The following GALNT13 variants were observed in gnomAD, a reference collection of about 807,000 sequenced individuals.
The protein encoded by GALNT13 is UDP-GalNAc:polypeptide N-acetylgalactosaminyltransferase 13.
GALNT13 carries 28 observed loss-of-function variants against 64.2 expected under a neutral mutation model. The ratio of observed to expected loss-of-function variants is 0.44; its 90% CI spans 0.32 to 0.60. GALNT13 has a LOEUF of 0.60. GALNT13 is among the 20% of genes least tolerant of loss of function. The probability of loss-of-function intolerance (pLI) is 0.05; values close to 1 mark genes in which losing one functional copy is unlikely to be tolerated. For missense variants in GALNT13, 577 were observed against 669.8 expected (o/e 0.86, Z 1.53); for synonymous variants, 214 against 224.6 (o/e 0.95, Z 0.42).
the GALNT13 span, among the ~76,000 whole-genome samples, chr2:153,160,967 A>G: frequency 6.6e-6 from 1 of 152,178 alleles, no homozygotes; most frequent in Admixed American, 6.5e-5. Context: ...TAAGCCAGTG[A>G]CGATGTCTAT....
At chr2:153,452,215 G>A in the GALNT13 span, among the ~76,000 whole-genome samples, 1 of 152,156 alleles carries the variant, frequency 6.6e-6, no homozygotes, top group Non-Finnish European at 1.5e-5. Context: ...ATAAGAATAT[G>A]CTTATTTTCC....
chr2:153,417,322 C>A, the GALNT13 span, among the ~76,000 whole-genome samples: 1 of 151,960 alleles, frequency 6.6e-6, no homozygotes, highest in Non-Finnish European at 1.5e-5. Context: ...CCTTGCAGGC[C>A]CAGTCAATTT....
chr2:153,178,732 CTTTTTTT>C, the GALNT13 span, among the ~76,000 whole-genome samples: 10 of 98,400 alleles, frequency 1.0e-4, no homozygotes, highest in Admixed American at 8.8e-4. Context: ...TTCTCTTCTT[CTTTTTTT>C]TTTTTTTTTT....
At chr2:153,731,222 T>A in the GALNT13 span, among the ~76,000 whole-genome samples, 1 of 151,878 alleles carries the variant, frequency 6.6e-6, no homozygotes. Flanking sequence ...TGGATGAAAC[T>A]GGAGGCCATA....
At chr2:153,082,660 C>CAT in the GALNT13 span, among the ~76,000 whole-genome samples, 3,790 of 89,326 alleles carry the variant, frequency 0.042, 328 homozygotes, top group Middle Eastern at 0.06. Flanking sequence ...CACACACACA[C>CAT]ACACATATAT....
the GALNT13 span, among the ~76,000 whole-genome samples, chr2:153,348,491 T>C: frequency 6.6e-6 from 1 of 152,352 alleles, no homozygotes; most frequent in East Asian, 1.9e-4. Flanking sequence ...CCATTTTCTC[T>C]TTAGATAATG....
the GALNT13 span, among the ~76,000 whole-genome samples, chr2:153,229,469 A>C: frequency 6.6e-6 from 1 of 152,180 alleles, no homozygotes; most frequent in Admixed American, 6.5e-5. Flanking sequence ...AGTGTAAGTA[A>C]ATTACAGACC....
chr2:153,448,982 TTC>T, the GALNT13 span, among the ~76,000 whole-genome samples: 1 of 152,120 alleles, frequency 6.6e-6, no homozygotes, highest in African/African-American at 2.4e-5. Flanking sequence ...TGTGTGCACT[TTC>T]TGTCTTTCTG....
chr2:154,023,832 C>T (rs1400832206), intron 3 of GALNT13, among the ~76,000 whole-genome samples: 1 of 152,174 alleles, frequency 6.6e-6, no homozygotes, highest in African/African-American at 2.4e-5. Context: ...GTGGCTGGTA[C>T]CAGTTGTTCC....
the GALNT13 span, among the ~76,000 whole-genome samples, chr2:153,164,980 C>G: frequency 6.6e-6 from 1 of 152,170 alleles, no homozygotes; most frequent in Non-Finnish European, 1.5e-5. Flanking sequence ...ATCTGTGACA[C>G]TATATTGGAT....
At chr2:153,437,084 C>T in the GALNT13 span, among the ~76,000 whole-genome samples, 1 of 152,022 alleles carries the variant, frequency 6.6e-6, no homozygotes, top group Non-Finnish European at 1.5e-5. Flanking sequence ...TCGTTATGTA[C>T]CCAGTAGTCA....
At chr2:154,071,436 G>A (rs148046734) in intron 3 of GALNT13, among the ~76,000 whole-genome samples, 2,196 of 152,188 alleles carry the variant, frequency 0.014, 24 homozygotes, top group Non-Finnish European at 0.022. Flanking sequence ...TTGTAAATGA[G>A]TGCTTTTATT....
chr2:154,326,546 A>G (rs1190983897), intron 9 of GALNT13, among the ~76,000 whole-genome samples: 1 of 152,108 alleles, frequency 6.6e-6, no homozygotes, highest in African/African-American at 2.4e-5. Context: ...TCCTAGGAGA[A>G]CCAGTAATTT....
the GALNT13 span, among the ~76,000 whole-genome samples, chr2:153,254,986 C>G: frequency 6.6e-6 from 1 of 151,726 alleles, no homozygotes; most frequent in African/African-American, 2.4e-5. Context: ...CTATTAGGTC[C>G]ACTTGGTGCA....
the GALNT13 span, among the ~76,000 whole-genome samples, chr2:153,445,558 A>T: frequency 6.6e-6 from 1 of 152,038 alleles, no homozygotes; most frequent in African/African-American, 2.4e-5. Context: ...TTGTGTTTTT[A>T]GTAGAGACAG....
At chr2:153,535,011 C>T in the GALNT13 span, among the ~76,000 whole-genome samples, 41 of 151,558 alleles carry the variant, frequency 2.7e-4, no homozygotes, top group African/African-American at 9.2e-4. Context: ...AGTGTTGGGG[C>T]GGCGAAAATT....
chr2:153,377,683 G>A, the GALNT13 span, among the ~76,000 whole-genome samples: 2 of 152,090 alleles, frequency 1.3e-5, no homozygotes, highest in African/African-American at 4.8e-5. Flanking sequence ...ACAGCTTGCA[G>A]AACCATGAGC....
the GALNT13 span, among the ~76,000 whole-genome samples, chr2:153,457,354 A>T: frequency 6.6e-6 from 1 of 152,218 alleles, no homozygotes; most frequent in African/African-American, 2.4e-5. Context: ...TAGAGAACAG[A>T]TATAGCTAAT....
upstream of GALNT13, among the ~76,000 whole-genome samples, chr2:153,869,873 C>T (rs371890374): frequency 3.5e-4 from 53 of 152,054 alleles, no homozygotes; most frequent in African/African-American, 1.0e-3. Flanking sequence ...AGCAAATGTA[C>T]GTCCACAGAA....
Sources: gnomAD v4.1 joint callset for allele counts (sites outside exome capture counted in the v4.1 genomes callset) on GRCh38, gnomAD v4.1.1 for gene constraint, MANE v1.5 for transcripts, NCBI Gene and HGNC (gene_info 2026-07-23, HGNC 2026-07-21) for gene names.